Variants in DCDC1 observed in about 807,000 individuals in gnomAD.
DCDC1 encodes the protein doublecortin domain-containing protein 1.
Under a neutral mutation model 178.3 loss-of-function variants are expected in DCDC1, and 200 were observed. That is an observed-to-expected ratio of 1.12 (90% CI 1.00 to 1.26). The LOEUF (loss-of-function observed/expected upper bound fraction) is 1.26. DCDC1 is among the 50% of genes most tolerant of loss of function. The pLI is 0.00. For missense variants in DCDC1, 1,983 were observed against 1,749.2 expected, an observed-to-expected ratio of 1.13 and a Z score of -2.38; for synonymous variants, 690 against 604.8, an observed-to-expected ratio of 1.14 and a Z score of -2.07.
chr11:30,914,245 T>TC (rs1337910937), intron 27 of DCDC1, among the ~76,000 whole-genome samples: 1 of 152,356 alleles, frequency 6.6e-6, no homozygotes, highest in East Asian at 1.9e-4. Context: ...CAATTGGTTT[T>TC]CCCGTCTTTT....
intron 20 of DCDC1, among the ~76,000 whole-genome samples, chr11:30,984,693 G>C (rs370392350): frequency 6.6e-6 from 1 of 152,212 alleles, no homozygotes; most frequent in Admixed American, 6.5e-5. Flanking sequence ...CAGCTGTTTA[G>C]TTGAAAGCAG....
At chr11:31,040,005 T>C (rs971896780) in intron 20 of DCDC1, among the ~76,000 whole-genome samples, 1 of 151,786 alleles carries the variant, frequency 6.6e-6, no homozygotes, top group African/African-American at 2.4e-5. Context: ...AAAAGAAAAA[T>C]TTAACATTAT....
At chr11:31,241,746 TAG>T (rs1977158425) in intron 8 of DCDC1, 130 bp from the exon 9 acceptor site, 1 of 387,700 alleles carries the variant, frequency 2.6e-6, no homozygotes, top group African/African-American at 2.1e-5. Flanking sequence ...GGTTAAGTCT[TAG>T]AGAGGCAATT....
chr11:30,915,475 C>A (rs778872503), intron 27 of DCDC1, 36 bp downstream of exon 27: 1 of 1,610,830 alleles, frequency 6.2e-7, no homozygotes, highest in East Asian at 2.2e-5. Flanking sequence ...TCCTATTCAC[C>A]TTTTGATATA....
At chr11:31,107,829 C>T (rs1033749679) in intron 12 of DCDC1, among the ~76,000 whole-genome samples, 3 of 152,298 alleles carry the variant, frequency 2.0e-5, no homozygotes, top group Non-Finnish European at 4.4e-5. Flanking sequence ...CCTTCTGTCA[C>T]GGGGTTCCTT....
At chr11:31,340,694 C>T (rs928259029) in intron 1 of DCDC1, among the ~76,000 whole-genome samples, 16 of 152,146 alleles carry the variant, frequency 1.1e-4, no homozygotes, top group African/African-American at 3.9e-4. Context: ...CTGACTTCCC[C>T]TGGGTAAGAA....
intron 9 of DCDC1, among the ~76,000 whole-genome samples, chr11:31,217,362 T>C (rs574134676): frequency 6.6e-6 from 1 of 152,322 alleles, no homozygotes; most frequent in Non-Finnish European, 1.5e-5. Flanking sequence ...TTTAAAAAAC[T>C]AAGTTTTTAG....
intron 20 of DCDC1, among the ~76,000 whole-genome samples, chr11:31,037,432 C>T (rs73457541): frequency 0.021 from 1,237 of 58,782 alleles, 101 homozygotes; most frequent in Middle Eastern, 0.064. Context: ...ATATTTCTTT[C>T]TTTTTTTTTT....
chr11:31,297,971 C>T lies in DCDC1; in HGVS notation c.755-7119G>A, dbSNP rs376558642. Among the ~76,000 whole-genome samples the T allele has an allele frequency of 5.3e-5, 8 of 152,222 alleles. No individual in the cohort carries two copies. In the East Asian group the frequency reaches 5.8e-4, roughly 11 times the overall value. On this transcript the variant is annotated intron_variant, in intron 6 of 38. Transcript: ENST00000684477. ...GAAATGTATAAAACCAAGCTGTGCT[C>T]GGACCACCTTGGGCACATGTCATCA...
intron 3 of DCDC1, among the ~76,000 whole-genome samples, chr11:31,310,303 TC>T (rs56862334): frequency 0.047 from 6,402 of 135,348 alleles, 926 homozygotes; most frequent in African/African-American, 0.18. Context: ...TTTCAGTAAT[TC>T]TTGATTTTTT....
At chr11:30,918,700 A>G (rs1417543773) in intron 25 of DCDC1, among the ~76,000 whole-genome samples, 1 of 152,172 alleles carries the variant, frequency 6.6e-6, no homozygotes, top group Non-Finnish European at 1.5e-5. Flanking sequence ...AGCCCACTTG[A>G]AGAACAGAAA....
At chr11:31,210,760 A>G (rs776930420) in intron 9 of DCDC1, among the ~76,000 whole-genome samples, 1 of 151,932 alleles carries the variant, frequency 6.6e-6, no homozygotes, top group African/African-American at 2.4e-5. Context: ...AAAGAAGCAA[A>G]AGAGAATGGA....
In DCDC1 at chr11:30,881,193, C is replaced by T. The variant is rs1037282176; in HGVS notation, c.5198G>A (p.Cys1733Tyr). The change falls in exon 37 of 39, where the codon TGT becomes TAT. Residue 1733 changes from cysteine (C) to tyrosine (Y), a missense_variant. Coordinates refer to ENST00000684477, the MANE Select transcript of DCDC1 (RefSeq NM_001387274.1). ...WDDIERDMVI[C>Y]VSMGHGFKTP... Reference sequence around the variant, plus strand: ...TTTGAAACCATGTCCCATAGACACACAGATGACCATATCTCGCTCTATGTC... The same window carrying T: ...TTTGAAACCATGTCCCATAGACACATAGATGACCATATCTCGCTCTATGTC... 2 of 1,613,510 alleles carry T rather than the reference C, an allele frequency of 1.2e-6. No individual in the cohort carries two copies. The highest frequency in any genetic ancestry group is 2.2e-5 in the South Asian group (2 of 91,074).
chr11:31,157,370 A>T (rs57741859), intron 9 of DCDC1, among the ~76,000 whole-genome samples: 31,070 of 108,888 alleles, frequency 0.29, 3,748 homozygotes, highest in East Asian at 0.34. Flanking sequence ...AAAAAAAAAA[A>T]AAATATATAT....
Position 31,328,303 on chromosome 11 carries a change from ATG to A in DCDC1, c.-6-19_-6-18del. The A allele has an allele frequency of 6.5e-7, 1 of 1,541,726 alleles. No individual in the cohort carries two copies. The highest frequency in any genetic ancestry group is 1.2e-5 in the South Asian group (1 of 81,566). On this transcript the variant is annotated intron_variant, in intron 2 of 38. Coordinates refer to ENST00000684477, the MANE Select transcript of DCDC1 (RefSeq NM_001387274.1). ...CATTTTCAGCTAAAAATGATAAAGAATGTTATTTAATTTTAAATGTAAAATCC... is the reference window on the plus strand; with the variant it reads ...CATTTTCAGCTAAAAATGATAAAGAATTATTTAATTTTAAATGTAAAATCC...
intron 20 of DCDC1, among the ~76,000 whole-genome samples, chr11:31,048,859 A>AC (rs1268243266): frequency 9.2e-5 from 14 of 152,310 alleles, no homozygotes; most frequent in Admixed American, 3.3e-4. Flanking sequence ...TCCGTCTCAA[A>AC]AAAAAAAGGA....
intron 36 of DCDC1, chr11:30,882,524 T>C (rs1942781257): frequency 3.3e-5 from 5 of 152,166 alleles, no homozygotes; most frequent in Admixed American, 1.3e-4. Flanking sequence ...ACATGTGCCA[T>C]GTTGGTTAAA....
In DCDC1 at chr11:30,864,887, G is replaced by T. The variant is rs1477762318; in HGVS notation, c.*486C>A. ...CATACTATGAATTTATGGATATATT[G>T]TCTCATTTTTCAATGTTCATTCTTC... On this transcript the variant is annotated 3_prime_UTR_variant, in exon 39 of 39. Coordinates refer to ENST00000684477, the MANE Select transcript of DCDC1 (RefSeq NM_001387274.1). The T allele has an allele frequency of 1.3e-5, 2 of 152,084 alleles. No individual in the cohort carries two copies. The highest frequency in any genetic ancestry group is 2.9e-5 in the Non-Finnish European group (2 of 68,022). 9.4% of individuals were successfully genotyped at this position (152,084 alleles called of 1,614,324 possible).
chr11:31,333,613 G>A (rs1363508529), intron 2 of DCDC1, among the ~76,000 whole-genome samples: 2 of 152,210 alleles, frequency 1.3e-5, no homozygotes, highest in East Asian at 3.9e-4. Context: ...GTCTGTAAAG[G>A]ATTTTATTCC....
Sources: gnomAD v4.1 joint callset for allele counts (sites outside exome capture counted in the v4.1 genomes callset) on GRCh38, gnomAD v4.1.1 for gene constraint, MANE v1.5 for transcripts, NCBI Gene and HGNC (gene_info 2026-07-23, HGNC 2026-07-21) for gene names.